The following RIN2 variants were observed in gnomAD, a reference collection of about 807,000 sequenced individuals.
RIN2 encodes the protein Ras and Rab interactor 2.
Under a neutral mutation model 78.0 loss-of-function variants are expected in RIN2, and 36 were observed. The observed-to-expected ratio is 0.46, with a 90% CI of 0.35 to 0.61. The LOEUF is 0.61. Among genes scored for constraint, RIN2 ranks in the 20% least tolerant of loss-of-function variants. The probability of loss-of-function intolerance (pLI) is 0.00; values close to 1 mark genes in which losing one functional copy is unlikely to be tolerated. For missense variants in RIN2, 1,087 were observed against 1,159.7 expected, an observed-to-expected ratio of 0.94 and a Z score of 0.91; for synonymous variants, 466 against 466.8, an observed-to-expected ratio of 1.00 and a Z score of 0.02.
intron 7 of RIN2, among the ~76,000 whole-genome samples, chr20:19,965,312 C>T (rs1288439993): frequency 6.6e-6 from 1 of 152,142 alleles, no homozygotes; most frequent in Non-Finnish European, 1.5e-5. Context: ...GCCCATCAAG[C>T]AGGAAACACA....
At chr20:19,979,113 AGT>A (rs1417613004) in intron 9 of RIN2, among the ~76,000 whole-genome samples, 1 of 152,240 alleles carries the variant, frequency 6.6e-6, no homozygotes. Context: ...TGGTGTGGTT[AGT>A]GTTTTCATTT....
intron 4 of RIN2, among the ~76,000 whole-genome samples, chr20:19,940,944 C>T (rs901162846): frequency 1.3e-5 from 2 of 152,212 alleles, no homozygotes; most frequent in Non-Finnish European, 1.5e-5. Context: ...GGATCCCTGG[C>T]ATCCTGGCTA....
In RIN2 at chr20:19,990,841, A is replaced by T. The variant is rs73287514; in HGVS notation, c.2068+530A>T. The stretch of plus-strand genomic sequence containing the variant: ...ATAGTATGTGAAAGAAACTCTGAAC[A>T]TTCAGTTATAATGAGGCCTCATTAG... On this transcript the variant is annotated intron_variant, in intron 10 of 12. Transcript: ENST00000255006. Among the ~76,000 whole-genome samples, 1,065 of 152,288 alleles carry T rather than the reference A, an allele frequency of 7.0e-3. 13 individuals are homozygous for T. The highest frequency in any genetic ancestry group is 0.025 in the African/African-American group (1,019 of 41,548).
At position 19,964,965 on chromosome 20, in the gene RIN2, A is replaced by G; in HGVS notation, c.477A>G (p.Glu159=). The stretch of plus-strand genomic sequence containing the variant: ...TCTCTTTTCCAGCCTTTTCCCTGGA[A>G]GGCTCAGGAATCAGTTTCGCAGATT... The part of the protein sequence containing the change: ...IKESTYTFSL[E]GSGISFADLF... Residue 159 remains glutamate (E), a synonymous_variant, in exon 7 of 13, where the codon GAA becomes GAG. Coordinates refer to ENST00000255006, the MANE Select transcript of RIN2 (RefSeq NM_018993.4). 1 of 1,613,592 alleles carries G rather than the reference A, an allele frequency of 6.2e-7. No homozygotes were observed. The highest frequency in any genetic ancestry group is 8.5e-7 in the Non-Finnish European group (1 of 1,179,738).
At chr20:19,758,054 A>AC (rs1362431803), upstream of RIN2, 2 of 151,722 alleles carry the variant, frequency 1.3e-5, no homozygotes, top group African/African-American at 4.9e-5. Context: ...CGATCCGATC[A>AC]CCCCCGCCCC....
chr20:19,854,862 T>C (rs2123222025), intron 2 of RIN2, among the ~76,000 whole-genome samples: 1 of 152,336 alleles, frequency 6.6e-6, no homozygotes, highest in South Asian at 2.1e-4. Context: ...CCTAATTGAA[T>C]ACCCTTTATT....
At chr20:19,968,450 AGT>A (rs1256344155) in intron 7 of RIN2, among the ~76,000 whole-genome samples, 1 of 151,868 alleles carries the variant, frequency 6.6e-6, no homozygotes, top group Non-Finnish European at 1.5e-5. Flanking sequence ...TCCCTGTGTG[AGT>A]GTGTGTGCGT....
intron 1 of RIN2, among the ~76,000 whole-genome samples, chr20:19,765,914 G>A (rs144578547): frequency 6.6e-6 from 1 of 152,108 alleles, no homozygotes; most frequent in Non-Finnish European, 1.5e-5. Flanking sequence ...GAGAAAAGGA[G>A]GCTACAGAGG....
intron 4 of RIN2, among the ~76,000 whole-genome samples, chr20:19,955,178 G>A (rs1323160846): frequency 6.6e-6 from 1 of 152,056 alleles, no homozygotes; most frequent in Non-Finnish European, 1.5e-5. Flanking sequence ...TGCTTGTTCT[G>A]GATATTTCAT....
chr20:19,772,419 A>C (rs979093670), intron 1 of RIN2, among the ~76,000 whole-genome samples: 11 of 152,158 alleles, frequency 7.2e-5, no homozygotes, highest in Non-Finnish European at 1.6e-4. Context: ...TCCAGTGGTC[A>C]GTCTTTGATC....
intron 2 of RIN2, among the ~76,000 whole-genome samples, chr20:19,888,121 A>C (rs1387981631): frequency 2.0e-5 from 3 of 152,180 alleles, no homozygotes; most frequent in Non-Finnish European, 4.4e-5. Flanking sequence ...TCCCAGCAGG[A>C]TCACAAGTGG....
At chr20:19,765,558 A>C (rs753864962) in intron 1 of RIN2, among the ~76,000 whole-genome samples, 1 of 152,178 alleles carries the variant, frequency 6.6e-6, no homozygotes, top group Non-Finnish European at 1.5e-5. Flanking sequence ...GGGGATACTT[A>C]CACAGACTGG....
intron 3 of RIN2, among the ~76,000 whole-genome samples, chr20:19,917,668 T>G (rs553812436): frequency 1.3e-3 from 203 of 152,344 alleles, no homozygotes; most frequent in Non-Finnish European, 2.7e-3. Context: ...GAACACATAC[T>G]TTTCACAACT....
intron 1 of RIN2, among the ~76,000 whole-genome samples, chr20:19,779,349 G>T (rs1353367117): frequency 6.6e-6 from 1 of 152,162 alleles, no homozygotes; most frequent in Non-Finnish European, 1.5e-5. Flanking sequence ...CTTACTGAGT[G>T]CTACCATGCC....
At position 19,800,008 on chromosome 20, in the gene RIN2, T is replaced by A. The variant is rs2095617738; in HGVS notation, c.-37+261T>A. 2.6e-5 allele frequency among the ~76,000 whole-genome samples: 4 copies of A among 152,166 alleles called. No homozygotes were observed. In the South Asian group the frequency reaches 8.3e-4, roughly 32 times the overall value. On this transcript the variant is annotated intron_variant, in intron 2 of 12. Transcript: ENST00000255006. ...GCATAAAGGGAAACCATTCACATTT[T>A]CAGAGCACTCATCATGGGCCAAGCA...
At chr20:19,874,555 G>C (rs2037796986) in intron 2 of RIN2, among the ~76,000 whole-genome samples, 2 of 152,156 alleles carry the variant, frequency 1.3e-5, no homozygotes, top group African/African-American at 4.8e-5. Context: ...TGTCAGTAAT[G>C]CACCTTTCTT....
At chr20:19,952,821 G>T (rs184058505) in intron 4 of RIN2, among the ~76,000 whole-genome samples, 65 of 152,276 alleles carry the variant, frequency 4.3e-4, no homozygotes, top group Non-Finnish European at 7.8e-4. Flanking sequence ...TCTTTTAGTG[G>T]CATGGTACCC....
At chr20:19,801,434 C>A (rs1282640059) in intron 2 of RIN2, among the ~76,000 whole-genome samples, 1 of 152,168 alleles carries the variant, frequency 6.6e-6, no homozygotes, top group African/African-American at 2.4e-5. Flanking sequence ...CATTCTCCTG[C>A]CTCAGCCTCC....
At chr20:19,758,051 A>G (rs45602939), upstream of RIN2, 30,106 of 152,284 alleles carry the variant, frequency 0.2, 3,164 homozygotes, top group East Asian at 0.3. Flanking sequence ...CTCCGATCCG[A>G]TCACCCCCGC....
Sources: allele counts gnomAD v4.1 joint callset (sites outside exome capture counted in the v4.1 genomes callset), GRCh38; gene constraint gnomAD v4.1.1; transcripts MANE v1.5; gene names NCBI Gene and HGNC (gene_info 2026-07-23, HGNC 2026-07-21).